The following TENM4 variants were observed in gnomAD, a reference collection of about 807,000 sequenced individuals.
The protein encoded by TENM4 is teneurin-4.
A neutral mutation model predicts 243.3 loss-of-function variants in TENM4; 82 were observed. The observed-to-expected ratio is 0.34, with a 90% CI of 0.28 to 0.40. The LOEUF (loss-of-function observed/expected upper bound fraction) is 0.40. Ranked by LOEUF, TENM4 falls within the 10% of genes least tolerant of loss-of-function variation. TENM4 has a pLI of 1.00. For missense variants in TENM4, 3,138 were observed against 3,673.3 expected (o/e 0.85, Z 3.77); for synonymous variants, 1,412 against 1,456.3 (o/e 0.97, Z 0.69).
chr11:79,273,637 G>A (rs1046196013), intron 2 of TENM4, among the ~76,000 whole-genome samples: 5 of 152,174 alleles, frequency 3.3e-5, no homozygotes, highest in Admixed American at 3.3e-4. Context: ...ACACGGTGGA[G>A]CCGGGCCTGG....
rs534286748 is a variant in TENM4 at position 79,061,247 on chromosome 11, C to T, written c.493+3491G>A. Among the ~76,000 whole-genome samples, 6 of 152,304 alleles carry T rather than the reference C, an allele frequency of 3.9e-5. No individual in the cohort carries two copies. The East Asian group carries it at 9.6e-4, about 24-fold the overall frequency. On this transcript the variant is annotated intron_variant, in intron 6 of 33. Transcript: ENST00000278550. ...TGTCATTATTTAGATCTGAGTACCG[C>T]ATAACGAAGCTGTTAATGTAACTTC... is the stretch of plus-strand genomic sequence containing the variant.
chr11:78,740,001 A>G (rs934573561), intron 19 of TENM4, among the ~76,000 whole-genome samples: 3 of 152,200 alleles, frequency 2.0e-5, no homozygotes, highest in African/African-American at 7.2e-5. Flanking sequence ...TGGCTGGTGC[A>G]ATGTCCTCAA....
intron 6 of TENM4, among the ~76,000 whole-genome samples, chr11:78,989,645 A>G (rs1459507475): frequency 6.6e-6 from 1 of 152,170 alleles, no homozygotes; most frequent in East Asian, 1.9e-4. Context: ...CTCTGCGCTA[A>G]CTCATGGGGG....
At chr11:79,360,242 G>A (rs1297384274) in intron 1 of TENM4, among the ~76,000 whole-genome samples, 2 of 152,168 alleles carry the variant, frequency 1.3e-5, no homozygotes, top group East Asian at 1.9e-4. Context: ...ACTGGGCTGG[G>A]CATACAACAA....
At chr11:78,985,804 TG>T (rs1490705286) in intron 6 of TENM4, among the ~76,000 whole-genome samples, 3 of 152,198 alleles carry the variant, frequency 2.0e-5, no homozygotes, top group African/African-American at 7.2e-5. Flanking sequence ...TTACGGCTGC[TG>T]GGTTCAATGA....
At chr11:78,879,440 G>T (rs1859366798) in intron 9 of TENM4, among the ~76,000 whole-genome samples, 1 of 150,232 alleles carries the variant, frequency 6.7e-6, no homozygotes, top group Admixed American at 6.6e-5. Flanking sequence ...CGTCTGGGAG[G>T]TGGGGAGTGC....
rs3571 is a variant in TENM4 at position 78,653,468 on chromosome 11, A to G, written c.*4590T>C. 68,406 of 152,110 alleles carry G rather than the reference A, an allele frequency of 0.45. 18,879 individuals are homozygous for G. Among genetic ancestry groups the G allele is most frequent in the Non-Finnish European group, 0.62 (42,053 of 67,966 alleles). 9.4% of individuals were successfully genotyped at this position (152,110 alleles called of 1,614,324 possible). On this transcript the variant is annotated 3_prime_UTR_variant, in exon 34 of 34. Coordinates refer to ENST00000278550, the MANE Select transcript of TENM4 (RefSeq NM_001098816.3). ...GTTGAGAAAAAAACTTCTCAAAATTAGTTCCAGACTTCAGGAAAATGATTT... is the reference window on the plus strand; with the variant it reads ...GTTGAGAAAAAAACTTCTCAAAATTGGTTCCAGACTTCAGGAAAATGATTT...
intron 1 of TENM4, among the ~76,000 whole-genome samples, chr11:79,403,846 T>C (rs1858512888): frequency 6.6e-6 from 1 of 152,176 alleles, no homozygotes; most frequent in Non-Finnish European, 1.5e-5. Flanking sequence ...ACCAGTCTTA[T>C]CTCATTTAAT....
At chr11:78,897,980 C>T (rs1263580777) in intron 7 of TENM4, among the ~76,000 whole-genome samples, 1 of 152,232 alleles carries the variant, frequency 6.6e-6, no homozygotes, top group East Asian at 1.9e-4. Context: ...GACTTCCCCT[C>T]ACCCAACAGG....
intron 20 of TENM4, among the ~76,000 whole-genome samples, chr11:78,735,341 C>CA (rs140399389): frequency 0.013 from 1,904 of 152,298 alleles, 49 homozygotes; most frequent in African/African-American, 0.044. Context: ...GGGAAATACT[C>CA]AAAGAACAAT....
At chr11:79,194,017 C>A (rs1295269337) in intron 3 of TENM4, among the ~76,000 whole-genome samples, 1 of 152,018 alleles carries the variant, frequency 6.6e-6, no homozygotes, top group African/African-American at 2.4e-5. Context: ...GGGAGGGACT[C>A]AGGGGGAGGT....
chr11:79,199,305 G>T (rs940459480), intron 3 of TENM4, among the ~76,000 whole-genome samples: 1 of 152,188 alleles, frequency 6.6e-6, no homozygotes, highest in African/African-American at 2.4e-5. Flanking sequence ...ATGTAAAAGA[G>T]TGGCTGGAAT....
Position 78,732,359 on chromosome 11 carries a change from G to A in TENM4, c.3095C>T (p.Ala1032Val). Residue 1032 changes from alanine to valine, a missense_variant, in exon 21 of 34, where the codon GCC (alanine) becomes GTC (valine). By Grantham distance (64) the Ala-to-Val change is moderately conservative (BLOSUM62 0). This residue lies in a region of TENM4 where 2,467 missense variants were observed against 3,059.1 expected (regional missense o/e 0.81). Transcript: ENST00000278550. ...VVSPSPLTSF[A>V]SSCAEKGPIV... ...GGGGCCTTTCTCTGCACAGGAGCTG[G>A]CGAAGGACGTCAGTGGGGATGGAGA... is the stretch of plus-strand genomic sequence containing the variant. 1.2e-6 allele frequency: 2 copies of A among 1,613,642 alleles called. No homozygotes were observed. Among genetic ancestry groups the A allele is most frequent in the Non-Finnish European group, 1.7e-6 (2 of 1,179,620 alleles).
At chr11:79,204,806 G>A (rs534642671) in intron 3 of TENM4, among the ~76,000 whole-genome samples, 8 of 152,254 alleles carry the variant, frequency 5.3e-5, no homozygotes, top group African/African-American at 1.9e-4. Flanking sequence ...CGGCAACACG[G>A]CTCGTGCTGG....
chr11:79,263,465 T>C (rs1043339254), intron 2 of TENM4, among the ~76,000 whole-genome samples: 7 of 152,214 alleles, frequency 4.6e-5, no homozygotes, highest in Admixed American at 4.6e-4. Flanking sequence ...CCCAAGGGCA[T>C]TGAGAACATT....
At chr11:79,115,339 A>T (rs995878427) in intron 4 of TENM4, among the ~76,000 whole-genome samples, 1 of 152,100 alleles carries the variant, frequency 6.6e-6, no homozygotes, top group East Asian at 1.9e-4. Context: ...ATCCATGTCA[A>T]ATTATCTCTT....
At chr11:79,263,207 C>A (rs943262431) in intron 2 of TENM4, among the ~76,000 whole-genome samples, 2 of 152,206 alleles carry the variant, frequency 1.3e-5, no homozygotes, top group Non-Finnish European at 2.9e-5. Flanking sequence ...AAGCTGTCCA[C>A]AACTGTGGGC....
chr11:79,099,501 A>T (rs1261889276), intron 4 of TENM4, among the ~76,000 whole-genome samples: 1 of 152,146 alleles, frequency 6.6e-6, no homozygotes, highest in East Asian at 1.9e-4. Context: ...GAGGTGGATG[A>T]TATCATCATC....
chr11:79,416,038 G>A lies in TENM4; in HGVS notation c.-321+24471C>T, dbSNP rs118119466. 8.5e-3 allele frequency among the ~76,000 whole-genome samples: 1,298 copies of A among 152,302 alleles called. 6 individuals carry two copies. The highest frequency in any genetic ancestry group is 0.014 in the Non-Finnish European group (966 of 68,032). ...TTTCCACTCAGTATAATTATTTTGAGATTGATCCATGTTGTTGGGCTAATC... is the reference window on the plus strand; with the variant it reads ...TTTCCACTCAGTATAATTATTTTGAAATTGATCCATGTTGTTGGGCTAATC... On this transcript the variant is annotated intron_variant, in intron 1 of 33. Transcript: ENST00000278550.
Sources: gnomAD v4.1 joint callset for allele counts (sites outside exome capture counted in the v4.1 genomes callset) on GRCh38, gnomAD v4.1.1 for gene constraint, gnomAD v4.1.1 regional missense constraint, MANE v1.5 for transcripts, NCBI Gene and HGNC (gene_info 2026-07-23, HGNC 2026-07-21) for gene names.